The following GCSAML variants were observed in gnomAD, a reference collection of about 807,000 sequenced individuals.
GCSAML encodes the protein germinal center associated signaling and motility like.
A neutral mutation model predicts 13.0 loss-of-function variants in GCSAML; 9 were observed. That is an observed-to-expected ratio of 0.69 (90% confidence interval 0.42 to 1.21). GCSAML has a LOEUF of 1.21. Among genes scored for constraint, GCSAML ranks in the 50% most tolerant of loss-of-function variants. The probability of loss-of-function intolerance (pLI) is 0.00; values close to 1 mark genes in which losing one functional copy is unlikely to be tolerated. For synonymous variants in GCSAML, 37 were observed against 52.9 expected, an observed-to-expected ratio of 0.70 and a Z score of 1.31; for missense variants, 143 against 153.4, an observed-to-expected ratio of 0.93 and a Z score of 0.36.
At chr1:247,513,075 G>A (rs984163115) in intron 1 of GCSAML, among the ~76,000 whole-genome samples, 6 of 152,200 alleles carry the variant, frequency 3.9e-5, no homozygotes, top group Admixed American at 2.0e-4. Context: ...GGAGCTGGCA[G>A]GCAGAAATGT....
intron 1 of GCSAML, among the ~76,000 whole-genome samples, chr1:247,514,188 C>A (rs1036231186): frequency 6.6e-6 from 1 of 152,156 alleles, no homozygotes; most frequent in Non-Finnish European, 1.5e-5. Context: ...ACCATGTTGC[C>A]AAGGATGGCC....
intron 2 of GCSAML, among the ~76,000 whole-genome samples, chr1:247,562,335 G>T (rs1367968669): frequency 6.6e-6 from 1 of 152,116 alleles, no homozygotes; most frequent in South Asian, 2.1e-4. Context: ...CAGCGCGCCC[G>T]TGCCTGAGGT....
chr1:247,528,424 T>A (rs1203880597), intron 2 of GCSAML: 1 of 152,200 alleles, frequency 6.6e-6, no homozygotes, highest in Non-Finnish European at 1.5e-5. Context: ...TGCATGAACC[T>A]AGAAGACATT....
At chr1:247,544,634 A>G (rs12567244), upstream of GCSAML, among the ~76,000 whole-genome samples, 22,479 of 152,142 alleles carry the variant, frequency 0.15, 2,134 homozygotes, top group East Asian at 0.33. Context: ...GGAGTTCAAG[A>G]CAACATGGCA....
chr1:247,561,369 C>G (rs1299553326), intron 2 of GCSAML, among the ~76,000 whole-genome samples: 1 of 152,200 alleles, frequency 6.6e-6, no homozygotes, highest in Non-Finnish European at 1.5e-5. Context: ...TCCATCTACT[C>G]AAACACCAAT....
At chr1:247,561,284 C>T (rs1171125733) in intron 2 of GCSAML, among the ~76,000 whole-genome samples, 2 of 152,124 alleles carry the variant, frequency 1.3e-5, no homozygotes, top group African/African-American at 4.8e-5. Flanking sequence ...CATACTTGTA[C>T]ATATTTGGGG....
chr1:247,523,822 GAAATA>G (rs1395427427), intron 1 of GCSAML, among the ~76,000 whole-genome samples: 4 of 152,068 alleles, frequency 2.6e-5, no homozygotes, highest in East Asian at 1.9e-4. Flanking sequence ...AAATGTGAAT[GAAATA>G]AAATAAATGA....
rs547368029 is a variant in GCSAML at position 247,526,571 on chromosome 1, A to G, written c.-262-369A>G. On this transcript the variant is annotated intron_variant, in intron 1 of 5. Coordinates refer to the GCSAML transcript ENST00000366489. This position sits in a 1 kb window ranked among gnomAD's most constrained non-coding sequence, Gnocchi z 4.8. ...CCACTGGCTTACATCCCCACAGTCA[A>G]TGTGGCCTGGGTCCTTCACTCTCCA... is the stretch of plus-strand genomic sequence containing the variant. The G allele has an allele frequency of 1.3e-4, 22 of 169,274 alleles. No homozygotes were observed. The highest frequency in any genetic ancestry group is 1.1e-3 in the South Asian group (8 of 7,034). 10.5% of individuals were successfully genotyped at this position (169,274 alleles called of 1,614,324 possible).
In GCSAML at chr1:247,554,946, C is replaced by A. The variant is rs1151632; in HGVS notation, c.30-1461C>A. 2.5e-3 allele frequency among the ~76,000 whole-genome samples: 378 copies of A among 152,208 alleles called. 2 individuals are homozygous for A. Among genetic ancestry groups the A allele is most frequent in the South Asian group, 0.013 (61 of 4,826 alleles). On this transcript the variant is annotated intron_variant, in intron 1 of 4. Transcript: ENST00000366488. ...GATACATCTAAAGCTTAATAAAATA[C>A]CTATTTTTGAAAACAATAGAGTATT...
At chr1:247,570,761 C>T (rs182372277) in intron 4 of GCSAML, among the ~76,000 whole-genome samples, 26 of 152,192 alleles carry the variant, frequency 1.7e-4, no homozygotes, top group Non-Finnish European at 3.5e-4. Context: ...CCTGAATATC[C>T]TTGTTAATCT....
intron 1 of GCSAML, among the ~76,000 whole-genome samples, chr1:247,508,310 C>G (rs1001485538): frequency 6.6e-6 from 1 of 152,070 alleles, no homozygotes; most frequent in African/African-American, 2.4e-5. Flanking sequence ...ACATAAATGT[C>G]TTCTTTTTGA....
chr1:247,532,064 A>G (rs773281515), intron 2 of GCSAML: 1 of 1,614,132 alleles, frequency 6.2e-7, no homozygotes, highest in East Asian at 2.2e-5. Context: ...CCCCCCAGCC[A>G]GGAGGCCAAA....
chr1:247,527,219 A>C lies in GCSAML; in HGVS notation c.-148+165A>C. 5.2e-6 allele frequency: 2 copies of C among 384,704 alleles called. No homozygotes were observed. Among genetic ancestry groups the C allele is most frequent in the South Asian group, 4.0e-5 (2 of 50,632 alleles). 23.8% of individuals were successfully genotyped at this position (384,704 alleles called of 1,614,324 possible). On this transcript the variant is annotated intron_variant, in intron 2 of 5. Transcript: ENST00000366489. This position sits in a 1 kb window ranked among gnomAD's most constrained non-coding sequence, Gnocchi z 4.6. ...TATGGTCATCATTCTCCTCTGTGCC[A>C]AACAGGGGCTGATGGATGGTCAGGG...
At chr1:247,532,313 G>T in intron 2 of GCSAML, 1 of 1,614,194 alleles carries the variant, frequency 6.2e-7, no homozygotes, top group South Asian at 1.1e-5. Flanking sequence ...AGGAAGGGGA[G>T]GTTGGCAAGA....
chr1:247,542,847 T>C (rs1006041015), intron 2 of GCSAML, among the ~76,000 whole-genome samples: 1 of 152,188 alleles, frequency 6.6e-6, no homozygotes, highest in African/African-American at 2.4e-5. Flanking sequence ...ATATGTAAAA[T>C]ACGTAGGAAA....
chr1:247,545,969 A>C (rs1330655311), upstream of GCSAML, among the ~76,000 whole-genome samples: 1 of 151,964 alleles, frequency 6.6e-6, no homozygotes, highest in South Asian at 2.1e-4. Flanking sequence ...AAAAGAAAAA[A>C]TCACGAAGAG....
intron 2 of GCSAML, among the ~76,000 whole-genome samples, chr1:247,534,530 G>C (rs1176349995): frequency 6.6e-6 from 1 of 152,292 alleles, no homozygotes; most frequent in Admixed American, 6.5e-5. Flanking sequence ...ATTTAGCAGG[G>C]GCAGTGCATA....
At chr1:247,536,120 A>AAACAAC (rs200920649) in intron 2 of GCSAML, 2 of 152,168 alleles carry the variant, frequency 1.3e-5, no homozygotes, top group African/African-American at 2.4e-5. Context: ...TAAATACCAT[A>AAACAAC]AACAACAACA....
chr1:247,521,198 A>C (rs1250094180), intron 1 of GCSAML, among the ~76,000 whole-genome samples: 1 of 151,776 alleles, frequency 6.6e-6, no homozygotes, highest in Admixed American at 6.6e-5. Flanking sequence ...AATCCAAAAA[A>C]ATTGAGAATC....
Sources: allele counts gnomAD v4.1 joint callset (sites outside exome capture counted in the v4.1 genomes callset), GRCh38; gene constraint gnomAD v4.1.1; non-coding constraint Gnocchi (gnomAD v3.1); transcripts MANE v1.5; gene names NCBI Gene and HGNC (gene_info 2026-07-23, HGNC 2026-07-21).